Variants in CENPS observed in about 807,000 individuals in gnomAD.
CENPS encodes FANCM associated histone fold protein 1.
A neutral mutation model predicts 17.9 loss-of-function variants in CENPS; 16 were observed. That is an observed-to-expected ratio of 0.90 (90% confidence interval 0.61 to 1.36). CENPS has a LOEUF of 1.36. CENPS is among the 40% of genes most tolerant of loss of function. The pLI, the probability that CENPS is intolerant of heterozygous loss-of-function variation, is 0.00. For synonymous variants in CENPS, 49 were observed against 55.8 expected, an observed-to-expected ratio of 0.88 and a Z score of 0.54; for missense variants, 160 against 158.6, an observed-to-expected ratio of 1.01 and a Z score of -0.05.
chr1:10,439,740 CAA>C (rs796807486), intron 3 of CENPS, among the ~76,000 whole-genome samples: 1 of 141,064 alleles, frequency 7.1e-6, no homozygotes, highest in Admixed American at 7.1e-5. Context: ...GACTCTGTCT[CAA>C]AAAAAAAAAG....
At chr1:10,435,061 T>G (rs1640089387) in intron 3 of CENPS, among the ~76,000 whole-genome samples, 1 of 152,204 alleles carries the variant, frequency 6.6e-6, no homozygotes, top group African/African-American at 2.4e-5. Context: ...GCCGCCCCTC[T>G]GCGGAGGGAG....
Position 10,442,673 on chromosome 1 carries a change from T to A in CENPS, c.*268T>A. 2.8e-6 allele frequency: 1 copy of A among 357,218 alleles called. No homozygotes were observed. The highest frequency in any genetic ancestry group is 4.6e-6 in the Non-Finnish European group (1 of 219,074). The allele number at this position is 357,218 out of a possible 1,614,324, so 22.1% of individuals were successfully genotyped here. ...TGATCAAATGGTATATATTAGAAAT[T>A]ACATCTGTTGTAATTAAAATTGTGT... is the stretch of plus-strand genomic sequence containing the variant. On this transcript the variant is annotated 3_prime_UTR_variant, in exon 5 of 5. Coordinates refer to ENST00000309048, the MANE Select transcript of CENPS (RefSeq NM_199294.3).
At chr1:10,441,307 C>A (rs1367925916) in intron 4 of CENPS, among the ~76,000 whole-genome samples, 1 of 144,892 alleles carries the variant, frequency 6.9e-6, no homozygotes, top group Non-Finnish European at 1.5e-5. Context: ...CAGGCATGTG[C>A]CACAACTTTT....
Position 10,440,381 on chromosome 1 carries a change from G to A in CENPS, c.244G>A (p.Val82Met), listed in dbSNP as rs756706344. 6.2e-7 allele frequency: 1 copy of A among 1,614,026 alleles called. No individual in the cohort carries two copies. The highest frequency in any genetic ancestry group is 8.5e-7 in the Non-Finnish European group (1 of 1,179,982). Residue 82 changes from valine to methionine, a missense_variant, in exon 4 of 5, where the codon GTG (valine) becomes ATG (methionine). Val to Met is a conservative substitution (Grantham distance 21, BLOSUM62 1). Transcript: ENST00000309048. ...AAGAACCACAATTAACACTGAAGAT[G>A]TGAAGCTCTTAGCCAGGAGGAGTAA... ...AKRTTINTED[V>M]KLLARRSNSL...
chr1:10,440,204 C>G, intron 3 of CENPS, 143 bp from the exon 4 acceptor site: 4 of 1,119,246 alleles, frequency 3.6e-6, no homozygotes, highest in Non-Finnish European at 4.9e-6. Flanking sequence ...TTTTGTGTCA[C>G]TTTTGCTTAA....
intron 3 of CENPS, among the ~76,000 whole-genome samples, chr1:10,435,035 A>G (rs913008128): frequency 6.6e-6 from 1 of 152,196 alleles, no homozygotes; most frequent in Non-Finnish European, 1.5e-5. Context: ...GTTTGAGAAC[A>G]TGGTGCCTGG....
At chr1:10,440,276 A>G in intron 3 of CENPS, 71 bp from the exon 4 acceptor site, 1 of 1,577,456 alleles carries the variant, frequency 6.3e-7, no homozygotes. Context: ...TCTGACCGTG[A>G]ACTTCTGTGT....
At chr1:10,430,929 G>C in intron 1 of CENPS, 1 of 1,249,010 alleles carries the variant, frequency 8.0e-7, no homozygotes, top group East Asian at 4.1e-5. Flanking sequence ...GGTGACGCCC[G>C]TACGCGGTGG....
At chr1:10,436,806 G>A (rs1640185800) in intron 3 of CENPS, among the ~76,000 whole-genome samples, 1 of 152,068 alleles carries the variant, frequency 6.6e-6, no homozygotes, top group African/African-American at 2.4e-5. Flanking sequence ...GGCTCCAGGA[G>A]TCTGGGGTGC....
chr1:10,432,239 C>A (rs1639953989), intron 1 of CENPS, among the ~76,000 whole-genome samples: 1 of 152,160 alleles, frequency 6.6e-6, no homozygotes, highest in Non-Finnish European at 1.5e-5. Context: ...AGGCCCCTGC[C>A]ACCACGCCCA....
At chr1:10,437,887 C>G (rs937486612) in intron 3 of CENPS, among the ~76,000 whole-genome samples, 2 of 151,260 alleles carry the variant, frequency 1.3e-5, no homozygotes, top group Non-Finnish European at 2.9e-5. Flanking sequence ...CTCAGCCTCC[C>G]GAGTAGCTGG....
chr1:10,441,707 A>ACTCCGCCTCCTGGGTTCATGCCATT (rs1640421439), intron 4 of CENPS, among the ~76,000 whole-genome samples: 1 of 138,094 alleles, frequency 7.2e-6, no homozygotes, highest in Non-Finnish European at 1.5e-5. Context: ...CTCACTGCAA[A>ACTCCGCCTCCTGGGTTCATGCCATT]CTCCGCCTCC....
chr1:10,441,620 C>CTTTTTTTTTTTTTTTTTTT (rs34369229), intron 4 of CENPS, among the ~76,000 whole-genome samples: 1 of 48,330 alleles, frequency 2.1e-5, no homozygotes, highest in African/African-American at 8.7e-5. Flanking sequence ...GGCTACAACT[C>CTTTTTTTTTTTTTTTTTTT]TTTTTTTTTT....
intron 1 of CENPS, chr1:10,431,459 G>C: frequency 6.6e-7 from 1 of 1,521,616 alleles, no homozygotes; most frequent in Non-Finnish European, 8.8e-7. Context: ...ATTTTGCTCT[G>C]TTTGCTCCCA....
chr1:10,437,959 A>G, intron 3 of CENPS, among the ~76,000 whole-genome samples: 1 of 151,808 alleles, frequency 6.6e-6, no homozygotes, highest in East Asian at 1.9e-4. Flanking sequence ...ATGGGGTTTC[A>G]CCATGTTGGC....
intron 1 of CENPS, chr1:10,431,028 C>G (rs965769029): frequency 1.6e-5 from 21 of 1,335,378 alleles, no homozygotes; most frequent in Non-Finnish European, 2.0e-5. Context: ...CCAGTCAGGC[C>G]CAGAGCTCGT....
chr1:10,436,517 C>G (rs1640165930), intron 3 of CENPS, among the ~76,000 whole-genome samples: 1 of 143,846 alleles, frequency 7.0e-6, no homozygotes, highest in Admixed American at 7.0e-5. Context: ...GCCTGGGCAA[C>G]AGGGTGAAAC....
intron 1 of CENPS, chr1:10,431,230 GGCTTAAAA>G: frequency 6.5e-7 from 1 of 1,530,990 alleles, no homozygotes. Flanking sequence ...GCCGTGAAGA[GGCTTAAAA>G]GCAAGACCCG....
At chr1:10,439,048 C>G (rs1640299564) in intron 3 of CENPS, among the ~76,000 whole-genome samples, 1 of 152,116 alleles carries the variant, frequency 6.6e-6, no homozygotes, top group Non-Finnish European at 1.5e-5. Flanking sequence ...AAAATTATCT[C>G]TTGAAGTGGG....
Sources: allele counts gnomAD v4.1 joint callset (sites outside exome capture counted in the v4.1 genomes callset), GRCh38; gene constraint gnomAD v4.1.1; transcripts MANE v1.5; gene names NCBI Gene and HGNC (gene_info 2026-07-23, HGNC 2026-07-21).